The following PCSK5 variants were observed in gnomAD, a reference collection of about 807,000 sequenced individuals.
The protein encoded by PCSK5 is prohormone convertase 5.
PCSK5 carries 129 observed loss-of-function variants against 233.2 expected under a neutral mutation model. That is an observed-to-expected ratio of 0.55 (90% CI 0.48 to 0.64). PCSK5 has a LOEUF of 0.64. PCSK5 is among the 30% of genes least tolerant of loss of function. The pLI, the probability that PCSK5 is intolerant of heterozygous loss-of-function variation, is 0.00. For missense variants in PCSK5, 2,076 were observed against 2,430.1 expected, an observed-to-expected ratio of 0.85 and a Z score of 3.06; for synonymous variants, 825 against 879.2, an observed-to-expected ratio of 0.94 and a Z score of 1.09.
In PCSK5 at chr9:75,891,211, G is replaced by T; in HGVS notation, c.30G>T (p.Pro10=). MGWGSRCCC[P]GRLDLLCVLA... Reference sequence around the variant, plus strand: ...GCTGGGGGAGCCGCTGCTGCTGCCCGGGACGTTTGGACCTGCTGTGCGTGC... The same window carrying T: ...GCTGGGGGAGCCGCTGCTGCTGCCCTGGACGTTTGGACCTGCTGTGCGTGC... Residue 10 remains proline, a synonymous_variant, in exon 1 of 38, where the codon CCG becomes CCT. Coordinates refer to ENST00000674117, the MANE Select transcript of PCSK5 (RefSeq NM_001372043.1). The T allele has an allele frequency of 6.7e-7, 1 of 1,494,402 alleles. No individual in the cohort carries two copies. Among genetic ancestry groups the T allele is most frequent in the Non-Finnish European group, 8.8e-7 (1 of 1,131,148 alleles). The allele number at this position is 1,494,402 out of a possible 1,614,324, so 92.6% of individuals were successfully genotyped here. A position where few individuals can be genotyped will look rare whatever the true frequency, so the allele number is the denominator to read the frequency against.
intron 30 of PCSK5, among the ~76,000 whole-genome samples, chr9:76,316,946 C>CA (rs1020244623): frequency 6.6e-6 from 1 of 151,662 alleles, no homozygotes; most frequent in Admixed American, 6.6e-5. Context: ...CTGTCATGGT[C>CA]AAAAAAAAGC....
chr9:75,912,961 A>G (rs1822814286), intron 1 of PCSK5, among the ~76,000 whole-genome samples: 1 of 152,056 alleles, frequency 6.6e-6, no homozygotes, highest in South Asian at 2.1e-4. Flanking sequence ...TCAAATCCTG[A>G]TTTTTTGGAA....
At chr9:76,253,413 C>G (rs1027653348) in intron 24 of PCSK5, among the ~76,000 whole-genome samples, 1 of 152,078 alleles carries the variant, frequency 6.6e-6, no homozygotes, top group Non-Finnish European at 1.5e-5. Flanking sequence ...TTCATTAGAG[C>G]CTCCCTGCCC....
chr9:75,930,607 C>T (rs1025881733), intron 1 of PCSK5, among the ~76,000 whole-genome samples: 2 of 152,102 alleles, frequency 1.3e-5, no homozygotes, highest in African/African-American at 2.4e-5. Flanking sequence ...CAGGGGTAGG[C>T]CATAGAACAC....
At chr9:75,976,273 AC>A (rs869284555) in intron 2 of PCSK5, among the ~76,000 whole-genome samples, 4 of 117,484 alleles carry the variant, frequency 3.4e-5, no homozygotes, top group Non-Finnish European at 5.1e-5. Flanking sequence ...ACACACAGAC[AC>A]CACACACACA....
Position 76,173,380 on chromosome 9 carries a change from A to G in PCSK5, c.1757-1606A>G, listed in dbSNP as rs562598320. 3.7e-4 allele frequency among the ~76,000 whole-genome samples: 56 copies of G among 151,066 alleles called. No individual in the cohort carries two copies. The South Asian group carries it at 0.011, about 29-fold the overall frequency. On this transcript the variant is annotated intron_variant, in intron 13 of 37. Transcript: ENST00000674117. ...TGAGAGGGGTTCTGAGGGGCATTCT[A>G]CCTTCCTACCAGCATATGCCTATGT...
rs1826909530 is a variant in PCSK5 at position 75,994,396 on chromosome 9, CTTTCTTTTTTTTTTT to C, written c.411+8155_411+8169del. Among the ~76,000 whole-genome samples the C allele has an allele frequency of 2.3e-3, 156 of 68,300 alleles. 14 individuals carry two copies. The highest frequency in any genetic ancestry group is 0.012 in the East Asian group (29 of 2,416). The allele number at this position is 68,300 out of a possible 152,430, so 44.8% of individuals were successfully genotyped here. ...CCCAGTTTCTTTCTTTTCTTTCTTTCTTTCTTTTTTTTTTTTTTTTTTTTTTTTTTTTTTTTTTTT... is the reference window on the plus strand; with the variant it reads ...CCCAGTTTCTTTCTTTTCTTTCTTTCTTTTTTTTTTTTTTTTTTTTTTTTT... On this transcript the variant is annotated intron_variant, in intron 3 of 37. Coordinates refer to ENST00000674117, the MANE Select transcript of PCSK5 (RefSeq NM_001372043.1).
intron 23 of PCSK5, 80 bp from the exon 24 acceptor site, chr9:76,240,536 C>T (rs1826397571): frequency 4.1e-6 from 4 of 964,186 alleles, no homozygotes; most frequent in East Asian, 2.6e-5. Context: ...ATAAGCTACA[C>T]ACGAACATAT....
rs772235475 is a variant in PCSK5, at chr9:76,321,579, G to A, written c.4042G>A (p.Gly1348Arg). 17 of 1,612,608 alleles carry A rather than the reference G, an allele frequency of 1.1e-5. No homozygotes were observed. The highest frequency in any genetic ancestry group is 1.6e-4 in the Middle Eastern group (1 of 6,084). ...CCCCGAGAGGCACGTGGCTGTGAAGGGGGTATGCAAGCATTGCCCAGAGAT... is the reference window on the plus strand; with the variant it reads ...CCCCGAGAGGCACGTGGCTGTGAAGAGGGTATGCAAGCATTGCCCAGAGAT... ...NCPERHVAVK[G>R]VCKHCPEMCQ... is the part of the protein sequence containing the mutation. Residue 1348 changes from glycine (G) to arginine (R), a missense_variant, in exon 31 of 38, where the codon GGG becomes AGG. Gly to Arg is a moderately radical substitution (Grantham distance 125). This residue lies in a region of PCSK5 where 1,510 missense variants were observed against 1,538.1 expected (regional missense o/e 0.98). Transcript: ENST00000674117.
intron 7 of PCSK5, among the ~76,000 whole-genome samples, chr9:76,077,178 A>G (rs1447408212): frequency 6.6e-6 from 1 of 152,120 alleles, no homozygotes; most frequent in African/African-American, 2.4e-5. Context: ...ATCTGTGGCC[A>G]CATACTCTAG....
At chr9:76,151,410 T>C (rs1168325841) in intron 10 of PCSK5, among the ~76,000 whole-genome samples, 2 of 152,200 alleles carry the variant, frequency 1.3e-5, no homozygotes, top group Non-Finnish European at 2.9e-5. Flanking sequence ...CCAGCAATCA[T>C]GGTTGTCTTT....
chr9:76,263,180 G>C (rs1827232434), intron 24 of PCSK5, among the ~76,000 whole-genome samples: 3 of 152,140 alleles, frequency 2.0e-5, no homozygotes, highest in African/African-American at 7.2e-5. Flanking sequence ...ACTGTTGGTG[G>C]GACTGTAAAC....
intron 7 of PCSK5, among the ~76,000 whole-genome samples, chr9:76,073,494 A>G (rs1830545637): frequency 6.6e-6 from 1 of 152,164 alleles, no homozygotes; most frequent in African/African-American, 2.4e-5. Flanking sequence ...CAGCAAATGA[A>G]TATATTCTAT....
intron 5 of PCSK5, among the ~76,000 whole-genome samples, chr9:76,052,007 T>C (rs1829647613): frequency 6.6e-6 from 1 of 152,198 alleles, no homozygotes; most frequent in South Asian, 2.1e-4. Flanking sequence ...CAATCTTTTT[T>C]CGTAGAAACA....
intron 34 of PCSK5, among the ~76,000 whole-genome samples, chr9:76,335,987 CTA>C (rs979914938): frequency 2.4e-4 from 37 of 152,300 alleles, no homozygotes; most frequent in African/African-American, 8.9e-4. Flanking sequence ...TCTTCTGACT[CTA>C]ATCCTGTGTA....
intron 3 of PCSK5, among the ~76,000 whole-genome samples, chr9:76,010,814 T>C (rs991863600): frequency 5.3e-5 from 8 of 152,246 alleles, no homozygotes; most frequent in Admixed American, 1.3e-4. Context: ...TGAATGTGGC[T>C]GTGGAAAGCT....
At chr9:76,265,153 G>A (rs563818737) in intron 24 of PCSK5, among the ~76,000 whole-genome samples, 2 of 152,124 alleles carry the variant, frequency 1.3e-5, no homozygotes, top group South Asian at 4.2e-4. Flanking sequence ...ATTAACACAG[G>A]AATAGAAAAC....
At chr9:76,178,358 G>A (rs1571793) in intron 14 of PCSK5, among the ~76,000 whole-genome samples, 27,906 of 152,106 alleles carry the variant, frequency 0.18, 2,768 homozygotes, top group South Asian at 0.29. Context: ...AGATGGAGAA[G>A]TCATCCCTAG....
chr9:75,931,950 A>G lies in PCSK5; in HGVS notation c.193-429A>G, dbSNP rs543820611. ...AAGACATATTTCAAATTAACTGTATAAATAATCTAACAAGGTCCTTCATTG... is the reference window on the plus strand; with the variant it reads ...AAGACATATTTCAAATTAACTGTATGAATAATCTAACAAGGTCCTTCATTG... On this transcript the variant is annotated intron_variant, in intron 1 of 37. Transcript: ENST00000674117. 2.5e-4 allele frequency among the ~76,000 whole-genome samples: 38 copies of G among 152,380 alleles called. No individual in the cohort carries two copies. In the South Asian group the frequency reaches 7.7e-3, roughly 31 times the overall value.
Sources: gnomAD v4.1 joint callset for allele counts (sites outside exome capture counted in the v4.1 genomes callset) on GRCh38, gnomAD v4.1.1 for gene constraint, gnomAD v4.1.1 regional missense constraint, MANE v1.5 for transcripts, NCBI Gene and HGNC (gene_info 2026-07-23, HGNC 2026-07-21) for gene names.